The following FHIT variants were observed in gnomAD, a reference collection of about 807,000 sequenced individuals.
FHIT encodes the protein fragile histidine triad diadenosine triphosphatase.
Under a neutral mutation model 17.9 loss-of-function variants are expected in FHIT, and 19 were observed. The ratio of observed to expected loss-of-function variants is 1.06; its 90% confidence interval spans 0.74 to 1.56. The LOEUF (loss-of-function observed/expected upper bound fraction) is 1.56. FHIT is among the 40% of genes most tolerant of loss of function. The pLI, the probability that FHIT is intolerant of heterozygous loss-of-function variation, is 0.00. For synonymous variants in FHIT, 81 were observed against 69.7 expected (o/e 1.16, Z -0.81); for missense variants, 248 against 189.2 (o/e 1.31, Z -1.82).
chr3:60,609,185 A>G (rs2038702903), intron 4 of FHIT, among the ~76,000 whole-genome samples: 1 of 152,292 alleles, frequency 6.6e-6, no homozygotes, highest in Non-Finnish European at 1.5e-5. Flanking sequence ...TCCACCTGAC[A>G]GCTGCATGAA....
chr3:60,472,288 C>T (rs533324692), intron 5 of FHIT, among the ~76,000 whole-genome samples: 1 of 151,958 alleles, frequency 6.6e-6, no homozygotes, highest in African/African-American at 2.4e-5. Flanking sequence ...AACTGTATGC[C>T]CACTTTTTTA....
At chr3:60,529,936 C>T (rs190398569) in intron 5 of FHIT, among the ~76,000 whole-genome samples, 23 of 114,744 alleles carry the variant, frequency 2.0e-4, no homozygotes, top group Admixed American at 6.2e-4. Flanking sequence ...ATCCGCAGAT[C>T]GTAAAGATAC....
intron 4 of FHIT, among the ~76,000 whole-genome samples, chr3:60,731,353 A>G (rs1374317214): frequency 6.6e-6 from 1 of 152,296 alleles, no homozygotes; most frequent in Admixed American, 6.5e-5. Flanking sequence ...GTGAAAGTTT[A>G]TTAGAAAGCT....
chr3:61,013,137 C>T (rs2031891803), intron 3 of FHIT, among the ~76,000 whole-genome samples: 1 of 152,002 alleles, frequency 6.6e-6, no homozygotes, highest in Non-Finnish European at 1.5e-5. Flanking sequence ...TATAGTTTTT[C>T]CAGAAGTCTT....
chr3:59,826,360 A>T (rs1490915097), intron 8 of FHIT, among the ~76,000 whole-genome samples: 1 of 152,160 alleles, frequency 6.6e-6, no homozygotes, highest in Admixed American at 6.5e-5. Context: ...CTTTTCCAGC[A>T]ACTTCCATTT....
chr3:60,229,822 CT>C (rs1419168085), intron 5 of FHIT, among the ~76,000 whole-genome samples: 2 of 152,050 alleles, frequency 1.3e-5, no homozygotes, highest in Non-Finnish European at 2.9e-5. Flanking sequence ...TCTAAAAGGA[CT>C]TTTTTAAAGT....
At chr3:61,052,751 T>C (rs954784266) in intron 2 of FHIT, among the ~76,000 whole-genome samples, 4 of 152,182 alleles carry the variant, frequency 2.6e-5, no homozygotes, top group South Asian at 2.1e-4. Flanking sequence ...CTACACTTTA[T>C]TGTTAGATCC....
chr3:60,375,124 A>T (rs2687160), intron 5 of FHIT, among the ~76,000 whole-genome samples: 1 of 151,530 alleles, frequency 6.6e-6, no homozygotes, highest in Non-Finnish European at 1.5e-5. Context: ...AAACAAAAAC[A>T]AAAAACAAAA....
intron 4 of FHIT, among the ~76,000 whole-genome samples, chr3:60,721,027 G>T (rs2041797618): frequency 6.6e-6 from 1 of 152,098 alleles, no homozygotes; most frequent in Admixed American, 6.5e-5. Flanking sequence ...TGGGTTAAGT[G>T]ATGACTTAAC....
chr3:60,931,042 T>C (rs1464184101), intron 3 of FHIT, among the ~76,000 whole-genome samples: 1 of 152,172 alleles, frequency 6.6e-6, no homozygotes, highest in Non-Finnish European at 1.5e-5. Flanking sequence ...CCATAAAAAT[T>C]GATGAGTTCA....
At chr3:60,391,924 T>G (rs1214407091) in intron 5 of FHIT, among the ~76,000 whole-genome samples, 1 of 152,058 alleles carries the variant, frequency 6.6e-6, no homozygotes, top group Non-Finnish European at 1.5e-5. Flanking sequence ...TCCTTAATGT[T>G]TCTTTCTTCT....
intron 2 of FHIT, among the ~76,000 whole-genome samples, chr3:61,057,448 C>G (rs17064379): frequency 0.15 from 22,532 of 151,856 alleles, 2,282 homozygotes; most frequent in African/African-American, 0.29. Flanking sequence ...AGAACCATGA[C>G]CAGGTGATAG....
intron 7 of FHIT, among the ~76,000 whole-genome samples, chr3:59,981,964 GA>G (rs3836265): frequency 5.3e-5 from 8 of 150,514 alleles, no homozygotes; most frequent in South Asian, 4.2e-4. Context: ...TCAGCAAAAA[GA>G]AAAAAAAAAT....
intron 1 of FHIT, among the ~76,000 whole-genome samples, chr3:61,243,313 CT>C (rs2040415495): frequency 1.3e-5 from 2 of 152,160 alleles, no homozygotes; most frequent in Admixed American, 6.5e-5. Flanking sequence ...ATGATTTCTC[CT>C]CTTAATCTGT....
At chr3:61,079,484 C>CA (rs900115843) in intron 2 of FHIT, among the ~76,000 whole-genome samples, 11 of 151,336 alleles carry the variant, frequency 7.3e-5, no homozygotes, top group African/African-American at 2.4e-4. Flanking sequence ...CTTCACGAAT[C>CA]AAAAAAAATG....
chr3:59,836,166 A>G (rs1701332570), intron 8 of FHIT, among the ~76,000 whole-genome samples: 1 of 121,888 alleles, frequency 8.2e-6, no homozygotes, highest in African/African-American at 2.6e-5. Context: ...CTTAAATGGG[A>G]AGGAAAAAGT....
chr3:59,958,822 A>C (rs1707530464), intron 7 of FHIT, among the ~76,000 whole-genome samples: 1 of 152,142 alleles, frequency 6.6e-6, no homozygotes, highest in African/African-American at 2.4e-5. Flanking sequence ...AGTTGGGATG[A>C]ATAAGTTAGC....
chr3:60,861,661 A>C (rs1222625665), intron 3 of FHIT, among the ~76,000 whole-genome samples: 8 of 152,056 alleles, frequency 5.3e-5, no homozygotes, highest in Non-Finnish European at 1.2e-4. Flanking sequence ...AAGGACTCAA[A>C]GTTCCAAAAG....
intron 8 of FHIT, among the ~76,000 whole-genome samples, chr3:59,799,754 C>T (rs1699921304): frequency 6.6e-6 from 1 of 152,152 alleles, no homozygotes; most frequent in African/African-American, 2.4e-5. Flanking sequence ...CTTACCTTTG[C>T]TGAAATTACC....
Sources: allele counts gnomAD v4.1 joint callset (sites outside exome capture counted in the v4.1 genomes callset), GRCh38; gene constraint gnomAD v4.1.1; transcripts MANE v1.5; gene names NCBI Gene and HGNC (gene_info 2026-07-23, HGNC 2026-07-21).